MCTP1: variants seen among roughly 807,000 people sequenced by gnomAD.
MCTP1 encodes multiple C2 and transmembrane domain-containing protein 1.
MCTP1 carries 69 observed loss-of-function variants against 120.6 expected under a neutral mutation model. That is an observed-to-expected ratio of 0.57 (90% CI 0.47 to 0.70). The LOEUF (loss-of-function observed/expected upper bound fraction) is 0.70, where lower values mean the gene tolerates loss of function less well. MCTP1 is among the 30% of genes least tolerant of loss of function. The pLI, the probability that MCTP1 is intolerant of heterozygous loss-of-function variation, is 0.00. For synonymous variants in MCTP1, 529 were observed against 493.1 expected (o/e 1.07, Z -0.96); for missense variants, 1,203 against 1,248.8 (o/e 0.96, Z 0.55).
chr5:94,742,043 G>C (rs1308686602), intron 19 of MCTP1, among the ~76,000 whole-genome samples: 2 of 152,094 alleles, frequency 1.3e-5, no homozygotes, highest in Non-Finnish European at 2.9e-5. Context: ...GAACGACACT[G>C]TATAAGCCAT....
At chr5:95,075,351 T>C (rs1398191741) in intron 1 of MCTP1, among the ~76,000 whole-genome samples, 1 of 152,248 alleles carries the variant, frequency 6.6e-6, no homozygotes, top group Non-Finnish European at 1.5e-5. Context: ...CTTCCCCTTT[T>C]ATTCTCTCTA....
intron 1 of MCTP1, among the ~76,000 whole-genome samples, chr5:95,169,912 T>C (rs1449464421): frequency 6.6e-6 from 1 of 152,236 alleles, no homozygotes; most frequent in Non-Finnish European, 1.5e-5. Flanking sequence ...TGCTCTGATC[T>C]TAGTTATTTC....
At chr5:94,852,718 TTTG>T (rs1054787609) in intron 17 of MCTP1, among the ~76,000 whole-genome samples, 23 of 152,108 alleles carry the variant, frequency 1.5e-4, no homozygotes, top group African/African-American at 5.5e-4. Context: ...TGTATCTATT[TTTG>T]TTGTTCTCAT....
At chr5:95,006,299 ATATATGTATATATATGTATG>A (rs1391981109) in intron 2 of MCTP1, among the ~76,000 whole-genome samples, 1 of 151,398 alleles carries the variant, frequency 6.6e-6, no homozygotes, top group South Asian at 2.1e-4. Flanking sequence ...GTATGTGTAT[ATATATGTATATATATGTATG>A]TATATGTATA....
intron 1 of MCTP1, among the ~76,000 whole-genome samples, chr5:95,188,808 T>TAC (rs897631771): frequency 6.6e-6 from 1 of 151,968 alleles, no homozygotes; most frequent in South Asian, 2.1e-4. Flanking sequence ...GAACTAAATA[T>TAC]ACACACACAC....
chr5:94,941,701 T>C (rs1289802115), intron 4 of MCTP1, among the ~76,000 whole-genome samples: 1 of 152,086 alleles, frequency 6.6e-6, no homozygotes, highest in African/African-American at 2.4e-5. Flanking sequence ...TATTCTATAA[T>C]ACAAATCAAT....
At chr5:95,083,322 T>C (rs986051738) in intron 1 of MCTP1, among the ~76,000 whole-genome samples, 2 of 152,214 alleles carry the variant, frequency 1.3e-5, no homozygotes, top group Non-Finnish European at 2.9e-5. Flanking sequence ...TTCATTCTCA[T>C]ATGCAATGCT....
intron 19 of MCTP1, among the ~76,000 whole-genome samples, chr5:94,733,299 G>T (rs981777407): frequency 6.6e-6 from 1 of 152,178 alleles, no homozygotes; most frequent in Non-Finnish European, 1.5e-5. Flanking sequence ...GACATCAAAA[G>T]GTTTGTGGCT....
chr5:94,782,206 A>G (rs1198293039), intron 18 of MCTP1, among the ~76,000 whole-genome samples: 1 of 152,134 alleles, frequency 6.6e-6, no homozygotes, highest in East Asian at 1.9e-4. Flanking sequence ...AAATAAAATA[A>G]CATCAAGTTA....
chr5:95,010,710 C>T (rs965016149), intron 2 of MCTP1, among the ~76,000 whole-genome samples: 1 of 152,062 alleles, frequency 6.6e-6, no homozygotes, highest in African/African-American at 2.4e-5. Flanking sequence ...ATTTTCTGTC[C>T]CTTTTTTAAA....
chr5:95,010,996 G>C (rs1167428281), intron 2 of MCTP1, among the ~76,000 whole-genome samples: 1 of 152,128 alleles, frequency 6.6e-6, no homozygotes, highest in Admixed American at 6.6e-5. Flanking sequence ...TGACAAGAAT[G>C]CCACAGAAAT....
intron 17 of MCTP1, among the ~76,000 whole-genome samples, chr5:94,809,545 C>T (rs1044010469): frequency 2.0e-5 from 3 of 152,074 alleles, no homozygotes; most frequent in Non-Finnish European, 4.4e-5. Context: ...TAGTCTGTTA[C>T]CTTTGTAGTT....
At chr5:95,035,875 C>T (rs193082758) in intron 1 of MCTP1, among the ~76,000 whole-genome samples, 14 of 152,130 alleles carry the variant, frequency 9.2e-5, no homozygotes, top group Admixed American at 8.5e-4. Flanking sequence ...AATGGTTAAT[C>T]AGACATTAGA....
At chr5:94,939,860 A>G (rs535558891) in intron 5 of MCTP1, among the ~76,000 whole-genome samples, 1 of 152,042 alleles carries the variant, frequency 6.6e-6, no homozygotes, top group Non-Finnish European at 1.5e-5. Context: ...ATTCAAATCT[A>G]TTTCTTATTT....
At chr5:95,042,731 A>G (rs1322355860) in intron 1 of MCTP1, among the ~76,000 whole-genome samples, 1 of 152,236 alleles carries the variant, frequency 6.6e-6, no homozygotes. Flanking sequence ...AGGAATGAAC[A>G]TACGGTATAC....
rs763372756 is a variant in MCTP1, at chr5:94,923,938, TA to T, written c.1272+23del. 4 of 1,451,184 alleles carry T rather than the reference TA, an allele frequency of 2.8e-6. No individual in the cohort carries two copies. The African/African-American group carries it at 6.0e-5, about 22-fold the overall frequency. The allele number at this position is 1,451,184 out of a possible 1,614,324, so 89.9% of individuals were successfully genotyped here. ...ATCCAAAACCAAAAATCAAGAATATTAACAAAAAGGATTTAGACATTACCCT... is the reference window on the plus strand; with the variant it reads ...ATCCAAAACCAAAAATCAAGAATATTACAAAAAGGATTTAGACATTACCCT... On this transcript the variant is annotated intron_variant, in intron 7 of 22. Transcript: ENST00000515393.
At position 94,953,213 on chromosome 5, in the gene MCTP1, G is replaced by T. The variant is rs1473743848; in HGVS notation, c.981+6C>A. 6.3e-7 allele frequency: 1 copy of T among 1,585,334 alleles called. No homozygotes were observed. The highest frequency in any genetic ancestry group is 2.3e-5 in the East Asian group (1 of 43,534). On this transcript the variant is annotated splice_donor_region_variant and intron_variant, in intron 3 of 22. Coordinates refer to ENST00000515393, the MANE Select transcript of MCTP1 (RefSeq NM_024717.7). ...TCTATCAGGAAAAAACAAATAAATG[G>T]CTCACCTTTATATACAATGGCTCCC...
chr5:94,729,564 C>T (rs1762756768), intron 19 of MCTP1, among the ~76,000 whole-genome samples: 1 of 152,170 alleles, frequency 6.6e-6, no homozygotes, highest in Non-Finnish European at 1.5e-5. Context: ...TTGGCCAAAT[C>T]CCCAAAAGAA....
At chr5:95,213,414 A>C (rs995672341) in intron 1 of MCTP1, among the ~76,000 whole-genome samples, 13 of 152,362 alleles carry the variant, frequency 8.5e-5, no homozygotes, top group South Asian at 4.1e-4. Flanking sequence ...GGAAGAATCA[A>C]TATCGTGAAA....
Sources: gnomAD v4.1 joint callset for allele counts (sites outside exome capture counted in the v4.1 genomes callset) on GRCh38, gnomAD v4.1.1 for gene constraint, MANE v1.5 for transcripts, NCBI Gene and HGNC (gene_info 2026-07-23, HGNC 2026-07-21) for gene names.